The following MYLK3 variants were observed in gnomAD, a reference collection of about 807,000 sequenced individuals.
MYLK3 encodes the protein myosin light chain kinase 3.
A neutral mutation model predicts 76.3 loss-of-function variants in MYLK3; 55 were observed. That is an observed-to-expected ratio of 0.72 (90% CI 0.58 to 0.90). MYLK3 has a LOEUF of 0.90. MYLK3 is among the 40% of genes least tolerant of loss of function. The pLI is 0.00. For synonymous variants in MYLK3, 416 were observed against 425.4 expected (o/e 0.98, Z 0.27); for missense variants, 973 against 1,053.6 (o/e 0.92, Z 1.06).
chr16:46,740,203 C>G, intron 1 of MYLK3, 56 bp from the exon 2 acceptor site: 1 of 1,448,106 alleles, frequency 6.9e-7, no homozygotes, highest in Non-Finnish European at 9.7e-7. Context: ...CCATTCAGGC[C>G]ACAGACATTT....
intron 8 of MYLK3, 124 bp from the exon 9 acceptor site, chr16:46,721,317 A>T: frequency 1.3e-6 from 1 of 782,782 alleles, no homozygotes; most frequent in South Asian, 1.5e-5. Flanking sequence ...GCAGCCCTGC[A>T]AGGGCTGGAT....
At chr16:46,715,201 C>G (rs1966724496) in intron 9 of MYLK3, among the ~76,000 whole-genome samples, 1 of 152,184 alleles carries the variant, frequency 6.6e-6, no homozygotes, top group Non-Finnish European at 1.5e-5. Context: ...GAATTTAATT[C>G]TTACTAATGG....
In MYLK3 at chr16:46,703,757, T is replaced by C. The variant is rs1311547370; in HGVS notation, c.*3947A>G. 6.5e-6 allele frequency: 1 copy of C among 153,748 alleles called. No homozygotes were observed. Among genetic ancestry groups the C allele is most frequent in the Non-Finnish European group, 1.5e-5 (1 of 68,044 alleles). 9.5% of individuals were successfully genotyped at this position (153,748 alleles called of 1,614,324 possible). ...CAAAGGAACTTTGGAGGGAAATTGT[T>C]TCTCTAGGTAAGGAATAACAGCATA... is the stretch of plus-strand genomic sequence containing the variant. On this transcript the variant is annotated 3_prime_UTR_variant, in exon 13 of 13. Coordinates refer to ENST00000394809, the MANE Select transcript of MYLK3 (RefSeq NM_182493.3).
At chr16:46,738,179 A>T (rs1350148137) in intron 2 of MYLK3, 36 bp from the exon 3 acceptor site, 1 of 1,457,500 alleles carries the variant, frequency 6.9e-7, no homozygotes, top group East Asian at 2.4e-5. Flanking sequence ...ATGCACTCCC[A>T]TGTGGAGGAG....
At position 46,731,930 on chromosome 16, in the gene MYLK3, G is replaced by A. The variant is rs1164045095; in HGVS notation, c.1462+278C>T. On this transcript the variant is annotated intron_variant, in intron 4 of 12. Transcript: ENST00000394809. ...ATCATGCCACTGGACTCCAGCCTGG[G>A]CAACAGAGCAAGACCCTGTCTCCAA... Among the ~76,000 whole-genome samples the A allele has an allele frequency of 7.9e-5, 12 of 152,178 alleles. No homozygotes were observed. In the East Asian group the frequency reaches 1.7e-3, roughly 22 times the overall value.
chr16:46,705,562 A>G lies in MYLK3; in HGVS notation c.*2142T>C, dbSNP rs1471408953. 6.6e-6 allele frequency: 1 copy of G among 152,110 alleles called. No homozygotes were observed. The highest frequency in any genetic ancestry group is 1.5e-5 in the Non-Finnish European group (1 of 68,018). The allele number at this position is 152,110 out of a possible 1,614,324, so 9.4% of individuals were successfully genotyped here. On this transcript the variant is annotated 3_prime_UTR_variant, in exon 13 of 13. Transcript: ENST00000394809. Reference sequence around the variant, plus strand: ...AAAAACTAAAGCTGCTCACCTGAGGAAAAAAATGGGAATAGCACAAAAATC... The same window carrying G: ...AAAAACTAAAGCTGCTCACCTGAGGGAAAAAATGGGAATAGCACAAAAATC...
upstream of MYLK3, among the ~76,000 whole-genome samples, chr16:46,752,822 G>A (rs1324421801): frequency 1.3e-5 from 2 of 152,196 alleles, no homozygotes; most frequent in Admixed American, 6.5e-5. Context: ...TGAGGCAACA[G>A]TGAGCAGCAA....
Position 46,748,108 on chromosome 16 carries a change from A to G in MYLK3, c.86T>C (p.Leu29Pro), listed in dbSNP as rs1178414787. ...KTCLTTMDTK[L>P]NMLNEKVDQL... Reference sequence around the variant, plus strand: ...GTCCACCTTCTCGTTCAGCATGTTCAGCTTTGTGTCCATGGTTGTTAAGCA... The same window carrying G: ...GTCCACCTTCTCGTTCAGCATGTTCGGCTTTGTGTCCATGGTTGTTAAGCA... Residue 29 changes from leucine (L) to proline (P), a missense_variant, in exon 1 of 13, where the codon CTG becomes CCG. By Grantham distance (98) the Leu-to-Pro change is moderately conservative. Around this residue, in one of 2 missense-constraint regions of MYLK3, gnomAD observed 641 missense variants for 637.0 expected, o/e 1.01. Transcript: ENST00000394809. The surrounding 1 kb of genome is among the most constrained non-coding windows in gnomAD (Gnocchi z 4.3). 6.2e-7 allele frequency: 1 copy of G among 1,614,246 alleles called. No individual in the cohort carries two copies.
chr16:46,727,882 G>C (rs1426827963), intron 7 of MYLK3, among the ~76,000 whole-genome samples: 1 of 152,134 alleles, frequency 6.6e-6, no homozygotes, highest in African/African-American at 2.4e-5. Context: ...CAAAGATTAG[G>C]CGTGGTAAAA....
At chr16:46,739,985 G>T in intron 2 of MYLK3, 72 bp downstream of exon 2, 1 of 1,066,878 alleles carries the variant, frequency 9.4e-7, no homozygotes, top group Non-Finnish European at 1.4e-6. Flanking sequence ...ACTGTGGGCC[G>T]TGTTGTTGGG....
At chr16:46,737,613 C>G in intron 3 of MYLK3, 98 bp downstream of exon 3, 1 of 1,227,032 alleles carries the variant, frequency 8.1e-7, no homozygotes, top group Admixed American at 2.3e-5. Context: ...AAGAACAGCC[C>G]AGGAACATGT....
chr16:46,744,473 C>G (rs1484998311), intron 1 of MYLK3, among the ~76,000 whole-genome samples: 1 of 150,528 alleles, frequency 6.6e-6, no homozygotes, highest in Non-Finnish European at 1.5e-5. Flanking sequence ...TCCCAAGTAG[C>G]TGGCATTACA....
chr16:46,730,673 A>G lies in MYLK3; in HGVS notation c.1488T>C (p.Pro496=), dbSNP rs56003096. The G allele has an allele frequency of 0.016, 25,964 of 1,613,932 alleles. 228 individuals carry two copies. The highest frequency in any genetic ancestry group is 0.019 in the Non-Finnish European group (22,779 of 1,179,962). ...VLDDSPAPPA[P]FEHRVVSVKE... ...TGACGCTCACTACCCGGTGTTCAAA[A>G]GGAGCTGGTGGGGCCGGACTGTCAT... Residue 496 remains proline, a synonymous_variant, in exon 5 of 13, where the codon CCT becomes CCC. Coordinates refer to ENST00000394809, the MANE Select transcript of MYLK3 (RefSeq NM_182493.3).
chr16:46,713,105 A>G (rs74901287), intron 9 of MYLK3, among the ~76,000 whole-genome samples: 1,784 of 152,290 alleles, frequency 0.012, 22 homozygotes, highest in Non-Finnish European at 0.019. Context: ...TAATGGGTAT[A>G]GAATTTCAGT....
chr16:46,729,487 C>T, intron 6 of MYLK3, 107 bp downstream of exon 6: 2 of 1,040,358 alleles, frequency 1.9e-6, no homozygotes, highest in South Asian at 1.4e-5. Flanking sequence ...TGGAAAAGAG[C>T]AGGAATAAGT....
chr16:46,716,327 CAG>C (rs1048746631), intron 9 of MYLK3, among the ~76,000 whole-genome samples: 3 of 150,722 alleles, frequency 2.0e-5, no homozygotes, highest in African/African-American at 7.4e-5. Flanking sequence ...GATAGATAGA[CAG>C]ATAGATGTTA....
At chr16:46,746,193 C>A (rs1967017538) in intron 1 of MYLK3, among the ~76,000 whole-genome samples, 1 of 152,032 alleles carries the variant, frequency 6.6e-6, no homozygotes, top group Non-Finnish European at 1.5e-5. Flanking sequence ...TAAATCACCT[C>A]TAGATTACTT....
In MYLK3 at chr16:46,757,477, C is replaced by T. The variant is rs939779660; in HGVS notation, c.-114+5563G>A. Reference sequence around the variant, plus strand: ...CTGCTGGCCTCTGGTGCTGGGACCGCGCAGTGCTGGAGTGGGGCACAGAGT... The same window carrying T: ...CTGCTGGCCTCTGGTGCTGGGACCGTGCAGTGCTGGAGTGGGGCACAGAGT... On this transcript the variant is annotated intron_variant, in intron 1 of 11. Transcript: ENST00000536476. The T allele has an allele frequency of 2.4e-4, 234 of 985,438 alleles. 1 individual carries two copies. The African/African-American group carries it at 3.8e-3, about 16-fold the overall frequency. The allele number at this position is 985,438 out of a possible 1,614,324, so 61.0% of individuals were successfully genotyped here. A position where few individuals can be genotyped will look rare whatever the true frequency, so the allele number is the denominator to read the frequency against.
intron 3 of MYLK3, 39 bp downstream of exon 3, chr16:46,737,672 C>T (rs752404017): frequency 1.2e-5 from 18 of 1,549,384 alleles, no homozygotes; most frequent in Non-Finnish European, 7.9e-6. Context: ...GGCCACAGTC[C>T]ATCCCCTCCC....
Sources: allele counts gnomAD v4.1 joint callset (sites outside exome capture counted in the v4.1 genomes callset), GRCh38; gene constraint gnomAD v4.1.1; regional missense constraint gnomAD v4.1.1; non-coding constraint Gnocchi (gnomAD v3.1); transcripts MANE v1.5; gene names NCBI Gene and HGNC (gene_info 2026-07-23, HGNC 2026-07-21).